PPP1R13B: variants seen among roughly 807,000 people sequenced by gnomAD.
PPP1R13B encodes the protein apoptosis-stimulating of p53 protein 1.
A neutral mutation model predicts 119.8 loss-of-function variants in PPP1R13B; 44 were observed. The ratio of observed to expected loss-of-function variants is 0.37; its 90% CI spans 0.29 to 0.47. PPP1R13B has a LOEUF of 0.47. Ranked by LOEUF, PPP1R13B falls within the 20% of genes least tolerant of loss-of-function variation. The pLI is 0.99. For synonymous variants in PPP1R13B, 542 were observed against 561.5 expected, an observed-to-expected ratio of 0.97 and a Z score of 0.49; for missense variants, 1,227 against 1,413.5, an observed-to-expected ratio of 0.87 and a Z score of 2.12.
intron 3 of PPP1R13B, among the ~76,000 whole-genome samples, chr14:103,780,406 G>A (rs2085308784): frequency 7.1e-6 from 1 of 140,980 alleles, no homozygotes; most frequent in Admixed American, 7.7e-5. Flanking sequence ...AGGATCACTT[G>A]AGCCCAGGAG....
At chr14:103,840,417 T>C (rs1441284649) in intron 1 of PPP1R13B, among the ~76,000 whole-genome samples, 1 of 152,226 alleles carries the variant, frequency 6.6e-6, no homozygotes, top group African/African-American at 2.4e-5. Context: ...AGTAGGATGC[T>C]GAGAAAGGAA....
chr14:103,751,576 T>C (rs1050964114), intron 7 of PPP1R13B, among the ~76,000 whole-genome samples: 3 of 152,082 alleles, frequency 2.0e-5, no homozygotes, highest in African/African-American at 4.8e-5. Flanking sequence ...CCTAACCCCA[T>C]TGTAATGGTG....
chr14:103,820,138 G>GC (rs1213550973), intron 1 of PPP1R13B, among the ~76,000 whole-genome samples: 1 of 152,168 alleles, frequency 6.6e-6, no homozygotes, highest in East Asian at 1.9e-4. Context: ...TTCAGTCCCA[G>GC]CAACTTCCCT....
Position 103,836,497 on chromosome 14 carries a change from G to A in PPP1R13B, c.9+10802C>T, listed in dbSNP as rs116924255. On this transcript the variant is annotated intron_variant, in intron 1 of 16. Coordinates refer to ENST00000202556, the MANE Select transcript of PPP1R13B (RefSeq NM_015316.3). ...ACAATTTGTCCAAAGTTGGCTGGACGCTGTGGCTCATGCCTGTAATCCCAG... is the reference window on the plus strand; with the variant it reads ...ACAATTTGTCCAAAGTTGGCTGGACACTGTGGCTCATGCCTGTAATCCCAG... Among the ~76,000 whole-genome samples, 149 of 152,140 alleles carry A rather than the reference G, an allele frequency of 9.8e-4. 3 individuals carry two copies. In the East Asian group the frequency reaches 0.021, roughly 22 times the overall value.
At chr14:103,765,986 T>TTTTATTATTA (rs141588292) in intron 4 of PPP1R13B, among the ~76,000 whole-genome samples, 76 of 139,060 alleles carry the variant, frequency 5.5e-4, no homozygotes, top group African/African-American at 2.1e-3. Flanking sequence ...AAATTTTTAT[T>TTTTATTATTA]TTATTATTAT....
In PPP1R13B at chr14:103,746,561, T is replaced by G. The variant is rs779568462; in HGVS notation, c.970-8A>C. ...GCCATTCACACGGTTCAGCTACAAA[T>G]TGGGAAGAAATGAGAGTCAAGATTC... On this transcript the variant is annotated splice_region_variant and splice_polypyrimidine_tract_variant and intron_variant, in intron 8 of 16. Transcript: ENST00000202556. The G allele has an allele frequency of 6.4e-7, 1 of 1,570,498 alleles. No homozygotes were observed. The highest frequency in any genetic ancestry group is 2.3e-5 in the East Asian group (1 of 43,306).
intron 4 of PPP1R13B, among the ~76,000 whole-genome samples, chr14:103,763,649 T>C (rs936558811): frequency 6.6e-6 from 1 of 152,206 alleles, no homozygotes; most frequent in Non-Finnish European, 1.5e-5. Flanking sequence ...TAGAGTTAAC[T>C]GAGGCATAAT....
At chr14:103,797,914 G>A (rs990561567) in intron 1 of PPP1R13B, among the ~76,000 whole-genome samples, 1 of 151,978 alleles carries the variant, frequency 6.6e-6, no homozygotes, top group African/African-American at 2.4e-5. Flanking sequence ...AGTGATGTTT[G>A]AGCAAAATAT....
In PPP1R13B at chr14:103,798,150, C is replaced by CT. The variant is rs1180401644; in HGVS notation, c.10-633dup. Among the ~76,000 whole-genome samples, 34 of 117,516 alleles carry CT rather than the reference C, an allele frequency of 2.9e-4. No homozygotes were observed. In the East Asian group the frequency reaches 6.5e-3, roughly 23 times the overall value. The allele number at this position is 117,516 out of a possible 152,430, so 77.1% of individuals were successfully genotyped here. A position where few individuals can be genotyped will look rare whatever the true frequency, so the allele number is the denominator to read the frequency against. On this transcript the variant is annotated intron_variant, in intron 1 of 16. Transcript: ENST00000202556. Reference sequence around the variant, plus strand: ...ATTCAAGTACATTAAATATAATAATCTCTTTTTTTTTTTTTTTTTGAGATG... The same window carrying CT: ...ATTCAAGTACATTAAATATAATAATCTTCTTTTTTTTTTTTTTTTTGAGATG...
intron 4 of PPP1R13B, among the ~76,000 whole-genome samples, chr14:103,766,826 C>T (rs1388515777): frequency 1.3e-5 from 2 of 152,112 alleles, no homozygotes; most frequent in South Asian, 2.1e-4. Context: ...AGGATGGTCT[C>T]GATCTCTTGA....
rs1246140966 is a variant in PPP1R13B at position 103,749,803 on chromosome 14, T to C, written c.960A>G (p.Lys320=). Residue 320 remains lysine, a synonymous_variant, in exon 8 of 17, where the codon AAA becomes AAG. Transcript: ENST00000202556. Reference sequence around the variant, plus strand: ...AAACTTTTTCACATGCCTGAATTTTTTTCCCATAGAGACGTTCACGCAGTT... The same window carrying C: ...AAACTTTTTCACATGCCTGAATTTTCTTCCCATAGAGACGTTCACGCAGTT... ...ISELRERLYG[K]KIQLNRVNGT... 2.5e-6 allele frequency: 4 copies of C among 1,609,620 alleles called. No homozygotes were observed. The highest frequency in any genetic ancestry group is 3.4e-6 in the Non-Finnish European group (4 of 1,178,920).
chr14:103,780,157 C>A (rs545892961), intron 3 of PPP1R13B, among the ~76,000 whole-genome samples: 38 of 144,846 alleles, frequency 2.6e-4, no homozygotes, highest in Admixed American at 6.9e-4. Context: ...TCAAAAAAAA[C>A]CAAAACTAAA....
chr14:103,758,289 T>C (rs552774027), intron 4 of PPP1R13B, among the ~76,000 whole-genome samples: 7 of 152,360 alleles, frequency 4.6e-5, no homozygotes, highest in South Asian at 2.1e-4. Flanking sequence ...AAGTAACATC[T>C]AGATGAATGC....
chr14:103,792,913 T>C lies in PPP1R13B; in HGVS notation c.157+4458A>G, dbSNP rs193136907. ...GTGAAACCTCGTCTCTACTAAAAAA[T>C]GCAAAAAATTAGCCGGGCATGGTGG... On this transcript the variant is annotated intron_variant, in intron 2 of 16. Transcript: ENST00000202556. Among the ~76,000 whole-genome samples the C allele has an allele frequency of 1.1e-3, 160 of 151,570 alleles. 4 individuals carry two copies. In the East Asian group the frequency reaches 0.03, roughly 28 times the overall value.
chr14:103,735,034 C>G lies in PPP1R13B; in HGVS notation c.*120G>C, dbSNP rs1269892693. On this transcript the variant is annotated 3_prime_UTR_variant, in exon 17 of 17. Coordinates refer to ENST00000202556, the MANE Select transcript of PPP1R13B (RefSeq NM_015316.3). The stretch of plus-strand genomic sequence containing the variant: ...GTAGGATTCACATTGTGGACGCTGT[C>G]TGCTAAAGTGAGCACCATTAAGACC... 9.1e-7 allele frequency: 1 copy of G among 1,104,588 alleles called. No homozygotes were observed. The highest frequency in any genetic ancestry group is 1.9e-5 in the Admixed American group (1 of 53,692). The allele number at this position is 1,104,588 out of a possible 1,614,324, so 68.4% of individuals were successfully genotyped here. A position where few individuals can be genotyped will look rare whatever the true frequency, so the allele number is the denominator to read the frequency against.
rs2084766500 is a variant in PPP1R13B at position 103,759,975 on chromosome 14, T to C, written c.355-2224A>G. Among the ~76,000 whole-genome samples the C allele has an allele frequency of 2.0e-5, 3 of 152,214 alleles. No homozygotes were observed. The South Asian group carries it at 6.2e-4, about 32-fold the overall frequency. ...TTGTATCTTATACATCAACTTATAA[T>C]GTAATGAAATTTTATGGAAGATCTT... On this transcript the variant is annotated intron_variant, in intron 4 of 16. Transcript: ENST00000202556.
chr14:103,786,766 CA>C (rs1174732049), intron 2 of PPP1R13B, among the ~76,000 whole-genome samples: 527 of 44,582 alleles, frequency 0.012, 9 homozygotes, highest in African/African-American at 0.045. Context: ...AACTCTGTCT[CA>C]AAAAAAAAAA....
upstream of PPP1R13B, chr14:103,848,414 G>C (rs2087125404): frequency 2.0e-6 from 2 of 985,366 alleles, no homozygotes; most frequent in South Asian, 4.7e-5. Flanking sequence ...ACAGAGCCCT[G>C]GGCAGGGCCC....
chr14:103,829,375 GA>G lies in PPP1R13B; in HGVS notation c.9+17923del, dbSNP rs566196071. 5.9e-5 allele frequency among the ~76,000 whole-genome samples: 9 copies of G among 152,220 alleles called. 1 individual carries two copies. In the South Asian group the frequency reaches 1.5e-3, roughly 25 times the overall value. ...TGAAATTAAGCAATCTCTAAAGCAA[GA>G]ATGTCTTTGAACTATAGTGAATCAA... On this transcript the variant is annotated intron_variant, in intron 1 of 16. Coordinates refer to ENST00000202556, the MANE Select transcript of PPP1R13B (RefSeq NM_015316.3).
Sources: allele counts gnomAD v4.1 joint callset (sites outside exome capture counted in the v4.1 genomes callset), GRCh38; gene constraint gnomAD v4.1.1; transcripts MANE v1.5; gene names NCBI Gene and HGNC (gene_info 2026-07-23, HGNC 2026-07-21).